The following PTPDC1 variants were observed in gnomAD, a reference collection of about 807,000 sequenced individuals.
PTPDC1 encodes the protein protein tyrosine phosphatase domain containing 1.
Under a neutral mutation model 75.3 loss-of-function variants are expected in PTPDC1, and 53 were observed. The ratio of observed to expected loss-of-function variants is 0.70; its 90% CI spans 0.56 to 0.88. The LOEUF (loss-of-function observed/expected upper bound fraction) is 0.88. Among genes scored for constraint, PTPDC1 ranks in the 40% least tolerant of loss-of-function variants. The probability of loss-of-function intolerance (pLI) is 0.00; values close to 1 mark genes in which losing one functional copy is unlikely to be tolerated. For missense variants in PTPDC1, 925 were observed against 998.6 expected (o/e 0.93, Z 0.99); for synonymous variants, 349 against 366.2 (o/e 0.95, Z 0.54).
chr9:94,045,193 A>C (rs552625113), intron 1 of PTPDC1, among the ~76,000 whole-genome samples: 2 of 151,716 alleles, frequency 1.3e-5, no homozygotes, highest in Non-Finnish European at 2.9e-5. Context: ...TTATGGCTGC[A>C]TAGTATTCCA....
At chr9:94,070,966 C>T (rs1826495957) in intron 2 of PTPDC1, among the ~76,000 whole-genome samples, 1 of 152,128 alleles carries the variant, frequency 6.6e-6, no homozygotes, top group African/African-American at 2.4e-5. Context: ...AATAAAGCTG[C>T]TGTAAACATT....
Position 94,097,314 on chromosome 9 carries a change from T to C in PTPDC1, c.755-7T>C. 2 of 1,555,436 alleles carry C rather than the reference T, an allele frequency of 1.3e-6. No homozygotes were observed. Among genetic ancestry groups the C allele is most frequent in the Admixed American group, 1.9e-5 (1 of 52,952 alleles). ...CTCATACCAGTCTTCTCTTCTTCAC[T>C]GTTTAGGTGTTTTAATAGCCTGTTA... On this transcript the variant is annotated splice_polypyrimidine_tract_variant and splice_region_variant and intron_variant, in intron 5 of 8. Transcript: ENST00000620992.
In PTPDC1 at chr9:94,104,344, G is replaced by C; in HGVS notation, c.2269G>C (p.Glu757Gln). The stretch of plus-strand genomic sequence containing the variant: ...CCTGCAGACAATTCCCGTGGATGTG[G>C]AGGAAGCTTTCCTTGCCCATGCCAT... Reference protein sequence around the residue: ...VNLQTIPVDVEEAFLAHAIKA... With the variant: ...VNLQTIPVDVQEAFLAHAIKA... Residue 757 changes from glutamate (E) to glutamine (Q), a missense_variant, in exon 8 of 9, where the codon GAG (glutamate) becomes CAG (glutamine). By Grantham distance (29) the Glu-to-Gln change is conservative. Transcript: ENST00000620992. The C allele has an allele frequency of 6.2e-7, 1 of 1,613,864 alleles. No individual in the cohort carries two copies. Among genetic ancestry groups the C allele is most frequent in the Non-Finnish European group, 8.5e-7 (1 of 1,179,804 alleles).
At chr9:94,094,815 G>A (rs1026133568) in intron 4 of PTPDC1, among the ~76,000 whole-genome samples, 1 of 152,238 alleles carries the variant, frequency 6.6e-6, no homozygotes, top group Non-Finnish European at 1.5e-5. Context: ...AAAGCGCAGT[G>A]TTCGGGTGGG....
At position 94,101,764 on chromosome 9, in the gene PTPDC1, T is replaced by C; in HGVS notation, c.2199+13T>C. On this transcript the variant is annotated intron_variant, in intron 7 of 8. Coordinates refer to ENST00000620992, the MANE Select transcript of PTPDC1 (RefSeq NM_001253829.2). ...TTTATTAGAGAAGGTAAAGTGGCTG[T>C]AGGACCAGTTAATGACTGTAACTGA... is the stretch of plus-strand genomic sequence containing the variant. 1 of 1,579,892 alleles carries C rather than the reference T, an allele frequency of 6.3e-7. No homozygotes were observed. Among genetic ancestry groups the C allele is most frequent in the South Asian group, 1.1e-5 (1 of 88,766 alleles).
intron 1 of PTPDC1, among the ~76,000 whole-genome samples, chr9:94,044,210 A>G (rs1483224501): frequency 1.3e-5 from 2 of 152,216 alleles, no homozygotes; most frequent in Non-Finnish European, 2.9e-5. Context: ...GGATTTCAAT[A>G]TGAATTTTAT....
At chr9:94,094,972 C>T (rs930176176) in intron 4 of PTPDC1, among the ~76,000 whole-genome samples, 2 of 152,258 alleles carry the variant, frequency 1.3e-5, no homozygotes, top group African/African-American at 4.8e-5. Context: ...CCTGCGCCCA[C>T]TGTCTGGCAC....
chr9:94,034,487 A>G (rs1193972258), intron 1 of PTPDC1, among the ~76,000 whole-genome samples: 5 of 152,164 alleles, frequency 3.3e-5, no homozygotes, highest in African/African-American at 1.2e-4. Context: ...AGCCGAGATC[A>G]TGCCACTGCA....
chr9:94,069,023 A>G (rs1826417977), intron 2 of PTPDC1, among the ~76,000 whole-genome samples: 1 of 152,122 alleles, frequency 6.6e-6, no homozygotes. Context: ...ACTCTCTGGC[A>G]CAGCAAGATC....
At chr9:94,030,875 C>G (rs1362835261) in exon 1 of PTPDC1, 1 of 152,182 alleles carries the variant, frequency 6.6e-6, no homozygotes, top group Non-Finnish European at 1.5e-5. Flanking sequence ...GGCGCTCGCC[C>G]CAGGACGTTG....
intron 2 of PTPDC1, among the ~76,000 whole-genome samples, chr9:94,069,720 G>A (rs1564019647): frequency 6.6e-6 from 1 of 151,180 alleles, no homozygotes; most frequent in Non-Finnish European, 1.5e-5. Flanking sequence ...TCACCATGTT[G>A]GCCAGGCTGG....
At chr9:94,098,806 G>A in intron 6 of PTPDC1, 5 of 555,476 alleles carry the variant, frequency 9.0e-6, no homozygotes, top group Non-Finnish European at 1.3e-5. Flanking sequence ...AAAGCACTTG[G>A]TGTGATGCTT....
At chr9:94,091,526 A>C (rs1409328199) in intron 4 of PTPDC1, among the ~76,000 whole-genome samples, 4 of 152,038 alleles carry the variant, frequency 2.6e-5, no homozygotes, top group African/African-American at 4.8e-5. Context: ...TTCATCAAGG[A>C]TATTGGTCTA....
At chr9:94,064,606 A>G (rs1295670989) in intron 1 of PTPDC1, 4 of 620,088 alleles carry the variant, frequency 6.5e-6, no homozygotes, top group African/African-American at 1.9e-5. Context: ...CTGACTAGCC[A>G]TATTTCAAGT....
intron 4 of PTPDC1, among the ~76,000 whole-genome samples, chr9:94,094,880 GA>G (rs1827493220): frequency 6.6e-6 from 1 of 152,212 alleles, no homozygotes; most frequent in South Asian, 2.1e-4. Flanking sequence ...CTCAGAAAGG[GA>G]ACCCCCTGAC....
At chr9:94,083,625 T>C (rs1028521991), upstream of PTPDC1, among the ~76,000 whole-genome samples, 17 of 152,216 alleles carry the variant, frequency 1.1e-4, no homozygotes, top group Non-Finnish European at 1.8e-4. Context: ...GTTGTTGCAC[T>C]TTCTGTTTTC....
chr9:94,102,467 G>C (rs1827877002), intron 7 of PTPDC1, among the ~76,000 whole-genome samples: 1 of 152,086 alleles, frequency 6.6e-6, no homozygotes, highest in Non-Finnish European at 1.5e-5. Context: ...GAAGACAATG[G>C]ATCTAGGAAA....
chr9:94,104,498 T>G, intron 8 of PTPDC1, 113 bp downstream of exon 8: 1 of 632,788 alleles, frequency 1.6e-6, no homozygotes, highest in Non-Finnish European at 2.7e-6. Flanking sequence ...TGTGTATGTT[T>G]TCCCTTCATG....
chr9:94,078,077 A>G (rs866895413), intron 2 of PTPDC1, among the ~76,000 whole-genome samples: 1 of 152,194 alleles, frequency 6.6e-6, no homozygotes, highest in African/African-American at 2.4e-5. Flanking sequence ...GGGACATTTC[A>G]TATAAATACA....
Sources: gnomAD v4.1 joint callset for allele counts (sites outside exome capture counted in the v4.1 genomes callset) on GRCh38, gnomAD v4.1.1 for gene constraint, MANE v1.5 for transcripts, NCBI Gene and HGNC (gene_info 2026-07-23, HGNC 2026-07-21) for gene names.